Variants in SFI1 observed in about 807,000 individuals in gnomAD.
The protein encoded by SFI1 is SFI1 centrin binding protein.
Under a neutral mutation model 207.5 loss-of-function variants are expected in SFI1, and 195 were observed. That is an observed-to-expected ratio of 0.94 (90% confidence interval 0.84 to 1.06). The LOEUF (loss-of-function observed/expected upper bound fraction) is 1.06, where lower values mean the gene tolerates loss of function less well. Ranked by LOEUF, SFI1 falls within the 50% of genes least tolerant of loss-of-function variation. SFI1 has a pLI of 0.00. For missense variants in SFI1, 1,634 were observed against 1,588.0 expected (o/e 1.03, Z -0.49); for synonymous variants, 630 against 598.9 (o/e 1.05, Z -0.76).
chr22:31,608,168 C>A, intron 22 of SFI1, 135 bp downstream of exon 22: 1 of 645,964 alleles, frequency 1.5e-6, no homozygotes, highest in Non-Finnish European at 2.7e-6. Context: ...CAAAGTACCA[C>A]AGACTGGGAG....
At chr22:31,614,890 A>AG in intron 28 of SFI1, 30 bp downstream of exon 28, 1 of 1,610,920 alleles carries the variant, frequency 6.2e-7, no homozygotes, top group Non-Finnish European at 8.5e-7. Context: ...GTGGGCAGGC[A>AG]GGGGGAGATG....
rs2068231367 is a variant in SFI1 at position 31,602,201 on chromosome 22, T to C, written c.1545-11T>C. ...TGTTTTAAGTGCTTTACATTCTTCCTTGTTTTTTAGGGAGACATTAGAGAA... is the reference window on the plus strand; with the variant it reads ...TGTTTTAAGTGCTTTACATTCTTCCCTGTTTTTTAGGGAGACATTAGAGAA... On this transcript the variant is annotated splice_polypyrimidine_tract_variant and intron_variant, in intron 15 of 32. Transcript: ENST00000400288. 1.2e-6 allele frequency: 2 copies of C among 1,610,718 alleles called. No homozygotes were observed. Among genetic ancestry groups the C allele is most frequent in the African/African-American group, 1.3e-5 (1 of 74,888 alleles).
Position 31,618,492 on chromosome 22 carries a change from T to A in SFI1, c.*74T>A. On this transcript the variant is annotated 3_prime_UTR_variant, in exon 33 of 33. Coordinates refer to ENST00000400288, the MANE Select transcript of SFI1 (RefSeq NM_001007467.3). ...GCCACCTCCAGGAACAGAACACAGT[T>A]TTAAGTTTGATTTTTTTTATTTCAA... The A allele has an allele frequency of 7.4e-7, 1 of 1,345,598 alleles. No homozygotes were observed. Among genetic ancestry groups the A allele is most frequent in the Non-Finnish European group, 9.7e-7 (1 of 1,029,066 alleles). The allele number at this position is 1,345,598 out of a possible 1,614,324, so 83.4% of individuals were successfully genotyped here.
chr22:31,543,482 A>C (rs913306422), intron 4 of SFI1, among the ~76,000 whole-genome samples: 3 of 152,090 alleles, frequency 2.0e-5, no homozygotes, highest in Admixed American at 6.6e-5. Context: ...GAGGTGAATT[A>C]CCTTATGTAT....
At chr22:31,503,180 T>C (rs2146442283) in intron 1 of SFI1, among the ~76,000 whole-genome samples, 1 of 152,104 alleles carries the variant, frequency 6.6e-6, no homozygotes, top group South Asian at 2.1e-4. Context: ...TTTTCATTGA[T>C]GGAGAGTAAG....
At chr22:31,522,577 G>C (rs2057407012) in intron 2 of SFI1, among the ~76,000 whole-genome samples, 1 of 152,048 alleles carries the variant, frequency 6.6e-6, no homozygotes, top group Non-Finnish European at 1.5e-5. Flanking sequence ...TCATGTAAGT[G>C]GAATCATACG....
chr22:31,561,460 C>A, intron 8 of SFI1, 68 bp downstream of exon 8: 1 of 1,342,466 alleles, frequency 7.4e-7, no homozygotes, highest in Non-Finnish European at 1.0e-6. Context: ...CCACAGAGGG[C>A]AGTGCTGGGC....
intron 8 of SFI1, among the ~76,000 whole-genome samples, chr22:31,572,187 C>T (rs1257780258): frequency 6.6e-6 from 1 of 152,028 alleles, no homozygotes; most frequent in African/African-American, 2.4e-5. Flanking sequence ...CTTTTATTTT[C>T]TTAGTGAAAT....
chr22:31,564,455 C>T (rs1234746179), intron 8 of SFI1, among the ~76,000 whole-genome samples: 1 of 151,538 alleles, frequency 6.6e-6, no homozygotes, highest in Non-Finnish European at 1.5e-5. Context: ...TCAACACCCT[C>T]ACCCAGATTT....
chr22:31,569,467 C>A (rs1375593908), intron 8 of SFI1, among the ~76,000 whole-genome samples: 1 of 152,104 alleles, frequency 6.6e-6, no homozygotes, highest in South Asian at 2.1e-4. Flanking sequence ...GTTAAAGACA[C>A]CTCGAGGTTA....
chr22:31,504,437 A>G (rs1319067368), intron 1 of SFI1, among the ~76,000 whole-genome samples: 1 of 152,146 alleles, frequency 6.6e-6, no homozygotes, highest in Non-Finnish European at 1.5e-5. Flanking sequence ...GACCTTGATT[A>G]TAAGGGTGAC....
intron 4 of SFI1, among the ~76,000 whole-genome samples, chr22:31,539,036 C>G (rs866401738): frequency 6.6e-6 from 1 of 152,174 alleles, no homozygotes. Context: ...TCCAAGTGCT[C>G]AGGTCAGAAA....
Position 31,613,616 on chromosome 22 carries a change from C to T in SFI1, c.2757C>T (p.Leu919=), listed in dbSNP as rs374796855. Reference sequence around the variant, plus strand: ...CTGTGTTGTAGGCGGCTCACAGTCTCCATCGTGCCGTCCGCCGCTGTGCCA... The same window carrying T: ...CTGTGTTGTAGGCGGCTCACAGTCTTCATCGTGCCGTCCGCCGCTGTGCCA... ...AQQQVQAAHS[L]HRAVRRCATL... Residue 919 remains leucine, a synonymous_variant, in exon 27 of 33, where the codon CTC becomes CTT. Coordinates refer to ENST00000400288, the MANE Select transcript of SFI1 (RefSeq NM_001007467.3). 3.2e-6 allele frequency: 5 copies of T among 1,586,816 alleles called. No individual in the cohort carries two copies. The highest frequency in any genetic ancestry group is 3.4e-6 in the Non-Finnish European group (4 of 1,164,042).
chr22:31,584,055 C>G (rs1213948999), intron 13 of SFI1, 83 bp downstream of exon 13: 6 of 1,153,504 alleles, frequency 5.2e-6, no homozygotes, highest in Non-Finnish European at 6.5e-6. Context: ...GCTTGCCCTT[C>G]TATGCGTTAG....
intron 2 of SFI1, among the ~76,000 whole-genome samples, chr22:31,512,335 A>G (rs1337960149): frequency 6.6e-6 from 1 of 151,368 alleles, no homozygotes; most frequent in Admixed American, 6.6e-5. Context: ...AGCCAGGGCA[A>G]TAACAGCGAA....
intron 21 of SFI1, among the ~76,000 whole-genome samples, chr22:31,607,196 C>T (rs2069176970): frequency 6.6e-6 from 1 of 152,200 alleles, no homozygotes; most frequent in Non-Finnish European, 1.5e-5. Flanking sequence ...GAGTTCATGA[C>T]AGCTCGCAGA....
At chr22:31,603,346 G>A (rs2068435627) in intron 17 of SFI1, among the ~76,000 whole-genome samples, 1 of 152,194 alleles carries the variant, frequency 6.6e-6, no homozygotes. Context: ...GTGGGTTGTG[G>A]CAGTTTTTAA....
At chr22:31,530,092 A>C (rs1376547042) in intron 3 of SFI1, among the ~76,000 whole-genome samples, 1 of 141,530 alleles carries the variant, frequency 7.1e-6, no homozygotes, top group Non-Finnish European at 1.5e-5. Flanking sequence ...GAATGGCGTG[A>C]ACCCAGGAGG....
At chr22:31,613,579 G>C (rs1215415821) in intron 26 of SFI1, 23 bp from the exon 27 acceptor site, 1 of 1,578,024 alleles carries the variant, frequency 6.3e-7, no homozygotes, top group African/African-American at 1.3e-5. Context: ...TGTGGCATGA[G>C]CTGACCAGAG....
Sources: allele counts gnomAD v4.1 joint callset (sites outside exome capture counted in the v4.1 genomes callset), GRCh38; gene constraint gnomAD v4.1.1; transcripts MANE v1.5; gene names NCBI Gene and HGNC (gene_info 2026-07-23, HGNC 2026-07-21).